The following SLC29A1 variants were observed in gnomAD, a reference collection of about 807,000 sequenced individuals.
SLC29A1 encodes the protein solute carrier family 29 member 1 (Augustine blood group).
SLC29A1 carries 22 observed loss-of-function variants against 48.3 expected under a neutral mutation model. The ratio of observed to expected loss-of-function variants is 0.46; its 90% CI spans 0.33 to 0.65. SLC29A1 has a LOEUF of 0.65. Among genes scored for constraint, SLC29A1 ranks in the 30% least tolerant of loss-of-function variants. The pLI is 0.03. For missense variants in SLC29A1, 491 were observed against 575.3 expected, an observed-to-expected ratio of 0.85 and a Z score of 1.50; for synonymous variants, 228 against 231.0, an observed-to-expected ratio of 0.99 and a Z score of 0.12.
intron 12 of SLC29A1, among the ~76,000 whole-genome samples, 196 bp from the exon 13 acceptor site, chr6:44,233,221 G>A (rs1007698653): frequency 2.0e-5 from 3 of 152,162 alleles, no homozygotes; most frequent in African/African-American, 7.2e-5. Context: ...TTTGCAGGAA[G>A]GAGTGAAAGA....
At position 44,227,296 on chromosome 6, in the gene SLC29A1, A is replaced by AC. The variant is rs765177779; in HGVS notation, c.-16dup. ...GGGAGGGAGCTGTCAGCCAGGGAAA[A>AC]CCGAGAACACCATCACCATGACAAC... On this transcript the variant is annotated 5_prime_UTR_variant, in exon 2 of 13. Transcript: ENST00000371755. The AC allele has an allele frequency of 1.7e-5, 28 of 1,614,068 alleles. No individual in the cohort carries two copies. In the South Asian group the frequency reaches 3.1e-4, roughly 18 times the overall value.
chr6:44,223,837 C>G lies in SLC29A1; in HGVS notation c.-52+196C>G. 3 of 1,001,098 alleles carry G rather than the reference C, an allele frequency of 3.0e-6. No individual in the cohort carries two copies. The highest frequency in any genetic ancestry group is 3.6e-6 in the Non-Finnish European group (3 of 839,788). 62.0% of individuals were successfully genotyped at this position (1,001,098 alleles called of 1,614,324 possible). On this transcript the variant is annotated intron_variant, in intron 1 of 12. Transcript: ENST00000371755. The surrounding 1 kb of genome is among the most constrained non-coding windows in gnomAD (Gnocchi z 5.0). ...GCACGGGCCAGGGAGCCTGAGGACC[C>G]TGCGGGGACCGGGACCCAAGCTGGG...
chr6:44,233,717 T>C lies in SLC29A1; in HGVS notation c.*189T>C. The C allele has an allele frequency of 1.7e-6, 1 of 598,846 alleles. No homozygotes were observed. Among genetic ancestry groups the C allele is most frequent in the Non-Finnish European group, 3.0e-6 (1 of 334,842 alleles). 37.1% of individuals were successfully genotyped at this position (598,846 alleles called of 1,614,324 possible). On this transcript the variant is annotated 3_prime_UTR_variant, in exon 13 of 13. Coordinates refer to ENST00000371755, the MANE Select transcript of SLC29A1 (RefSeq NM_001372327.1). Reference sequence around the variant, plus strand: ...CTCTGGACGGACAGTGGGGACATTGTGGGTTTGGGGCTCAGAGTCGAGGGA... The same window carrying C: ...CTCTGGACGGACAGTGGGGACATTGCGGGTTTGGGGCTCAGAGTCGAGGGA...
chr6:44,227,372 C>T, intron 2 of SLC29A1, 30 bp downstream of exon 2: 1 of 1,590,354 alleles, frequency 6.3e-7, no homozygotes, highest in Non-Finnish European at 8.6e-7. Context: ...GCTGTGGATC[C>T]AGGGAATGGG....
intron 1 of SLC29A1, among the ~76,000 whole-genome samples, chr6:44,224,953 C>T (rs1403747979): frequency 6.6e-6 from 1 of 152,108 alleles, no homozygotes; most frequent in Non-Finnish European, 1.5e-5. Context: ...GAATTGTGCC[C>T]AAGACTGGTA....
chr6:44,228,327 C>T (rs934283722), intron 2 of SLC29A1, among the ~76,000 whole-genome samples: 1 of 152,226 alleles, frequency 6.6e-6, no homozygotes, highest in Non-Finnish European at 1.5e-5. Flanking sequence ...GATCCTCTGT[C>T]CTATGTGACT....
Position 44,223,712 on chromosome 6 carries a change from G to T in SLC29A1, c.-52+71G>T. On this transcript the variant is annotated intron_variant, in intron 1 of 12. Coordinates refer to ENST00000371755, the MANE Select transcript of SLC29A1 (RefSeq NM_001372327.1). This position sits in a 1 kb window ranked among gnomAD's most constrained non-coding sequence, Gnocchi z 5.0. Reference sequence around the variant, plus strand: ...GAAGACGCCGCTGCCCGCCTGCCACGGAGGGCAGGGAGGGCGGGCCTGACG... The same window carrying T: ...GAAGACGCCGCTGCCCGCCTGCCACTGAGGGCAGGGAGGGCGGGCCTGACG... 3 of 1,082,568 alleles carry T rather than the reference G, an allele frequency of 2.8e-6. No individual in the cohort carries two copies. The highest frequency in any genetic ancestry group is 3.4e-6 in the Non-Finnish European group (3 of 882,022). The allele number at this position is 1,082,568 out of a possible 1,614,324, so 67.1% of individuals were successfully genotyped here. A position where few individuals can be genotyped will look rare whatever the true frequency, so the allele number is the denominator to read the frequency against.
chr6:44,227,063 G>T lies in SLC29A1; in HGVS notation c.-51-200G>T, dbSNP rs1267877276. The stretch of plus-strand genomic sequence containing the variant: ...AGGTAGAGTCTGAGCAGGCAGGGGG[G>T]CCGCGCAGGACTGGCCTGCTGGGCC... On this transcript the variant is annotated intron_variant, in intron 1 of 12. Coordinates refer to ENST00000371755, the MANE Select transcript of SLC29A1 (RefSeq NM_001372327.1). 2.9e-6 allele frequency: 4 copies of T among 1,371,188 alleles called. No individual in the cohort carries two copies. In the African/African-American group the frequency reaches 4.4e-5, roughly 15 times the overall value. The allele number at this position is 1,371,188 out of a possible 1,614,324, so 84.9% of individuals were successfully genotyped here. A position where few individuals can be genotyped will look rare whatever the true frequency, so the allele number is the denominator to read the frequency against.
Position 44,233,823 on chromosome 6 carries a change from T to G in SLC29A1, c.*295T>G. 2 of 439,864 alleles carry G rather than the reference T, an allele frequency of 4.5e-6. No homozygotes were observed. 27.2% of individuals were successfully genotyped at this position (439,864 alleles called of 1,614,324 possible). The stretch of plus-strand genomic sequence containing the variant: ...CCTGCTTGTGCAGGCCAGTGGAGGC[T>G]CTTGGGCTTGGAGAACACGTGTGTC... On this transcript the variant is annotated 3_prime_UTR_variant, in exon 13 of 13. Coordinates refer to ENST00000371755, the MANE Select transcript of SLC29A1 (RefSeq NM_001372327.1).
chr6:44,232,312 C>G lies in SLC29A1; in HGVS notation c.974-31C>G. The stretch of plus-strand genomic sequence containing the variant: ...GCTTGCTATACCTGCCTCTGTGAGC[C>G]TGATAACCACCCGTTCATCTCCTCT... On this transcript the variant is annotated intron_variant, in intron 10 of 12. Transcript: ENST00000371755. The surrounding 1 kb of genome is among the most constrained non-coding windows in gnomAD (Gnocchi z 4.7). 1 of 1,510,658 alleles carries G rather than the reference C, an allele frequency of 6.6e-7. No individual in the cohort carries two copies. The highest frequency in any genetic ancestry group is 9.2e-7 in the Non-Finnish European group (1 of 1,085,624). 93.6% of individuals were successfully genotyped at this position (1,510,658 alleles called of 1,614,324 possible).
At position 44,232,063 on chromosome 6, in the gene SLC29A1, G is replaced by T; in HGVS notation, c.930G>T (p.Val310=). The T allele has an allele frequency of 1.9e-6, 3 of 1,614,050 alleles. No individual in the cohort carries two copies. In the South Asian group the frequency reaches 3.3e-5, roughly 18 times the overall value. The change falls in exon 10 of 13, where the codon GTG becomes GTT. Residue 310 remains valine (V), a synonymous_variant. Transcript: ENST00000371755. The surrounding 1 kb of genome is among the most constrained non-coding windows in gnomAD (Gnocchi z 4.7). ...TCACCATTGGGATGTTTCCAGCCGT[G>T]ACTGTTGAGGTCAAGTCCAGCATCG... is the stretch of plus-strand genomic sequence containing the variant. The part of the protein sequence containing the change: ...FTITIGMFPA[V]TVEVKSSIAG...
At chr6:44,220,662 A>ACC (rs2128335061), upstream of SLC29A1, among the ~76,000 whole-genome samples, 1 of 138,874 alleles carries the variant, frequency 7.2e-6, no homozygotes, top group Admixed American at 7.5e-5. Context: ...AAAAAAAAAA[A>ACC]AAAAATACAA....
rs1362390830 is a variant in SLC29A1 at position 44,227,261 on chromosome 6, A to C, written c.-51-2A>C. The C allele has an allele frequency of 6.2e-7, 1 of 1,612,934 alleles. No homozygotes were observed. Among genetic ancestry groups the C allele is most frequent in the Non-Finnish European group, 8.5e-7 (1 of 1,179,252 alleles). ...GCCTCACACTGTTCCTGCCCCCAGC[A>C]GGCCCCTGAGGGAGGGAGCTGTCAG... On this transcript the variant is annotated splice_acceptor_variant, in intron 1 of 12. Transcript: ENST00000371755. LOFTEE classifies it low-confidence loss of function (5UTR_SPLICE).
At chr6:44,225,507 C>CAAA (rs35204127) in intron 1 of SLC29A1, among the ~76,000 whole-genome samples, 1 of 102,840 alleles carries the variant, frequency 9.7e-6, no homozygotes, top group African/African-American at 3.8e-5. Context: ...AACTCCGTCT[C>CAAA]AAAAAAAAAA....
At chr6:44,222,833 C>A (rs559927015), upstream of SLC29A1, among the ~76,000 whole-genome samples, 1 of 152,374 alleles carries the variant, frequency 6.6e-6, no homozygotes, top group South Asian at 2.1e-4. Context: ...TCTTCCCATT[C>A]CCACCTGTGC....
intron 1 of SLC29A1, chr6:44,226,264 G>A (rs70914): frequency 0.028 from 7,277 of 255,380 alleles, 554 homozygotes; most frequent in African/African-American, 0.16. Flanking sequence ...ATGTGTCAGT[G>A]CACATCTGCC....
chr6:44,227,324 GT>G lies in SLC29A1; in HGVS notation c.12del (p.His5ThrfsTer29). On this transcript the variant is annotated frameshift_variant, in exon 2 of 13. Transcript: ENST00000371755. LOFTEE classifies it high-confidence loss of function. Reference protein sequence around the residue: MTTSHQPQDRYKAV... With the variant: MTTXHQPQDRYKAV... ...GAGAACACCATCACCATGACAACCAGTCACCAGCCTCAGGACAGGTAAGGGG... is the reference window on the plus strand; with the variant it reads ...GAGAACACCATCACCATGACAACCAGCACCAGCCTCAGGACAGGTAAGGGG... 1 of 1,614,128 alleles carries G rather than the reference GT, an allele frequency of 6.2e-7. No homozygotes were observed.
chr6:44,230,346 G>A lies in SLC29A1; in HGVS notation c.455-1G>A. ...TGCTCATGCCCGCCCTGTTTCCCCAGCATTTGGTGCCATCCTGCAGGGCAG... is the reference window on the plus strand; with the variant it reads ...TGCTCATGCCCGCCCTGTTTCCCCAACATTTGGTGCCATCCTGCAGGGCAG... On this transcript the variant is annotated splice_acceptor_variant, in intron 5 of 12. Coordinates refer to ENST00000371755, the MANE Select transcript of SLC29A1 (RefSeq NM_001372327.1). LOFTEE classifies it high-confidence loss of function. The A allele has an allele frequency of 6.2e-7, 1 of 1,610,296 alleles. No individual in the cohort carries two copies. Among genetic ancestry groups the A allele is most frequent in the Non-Finnish European group, 8.5e-7 (1 of 1,177,056 alleles).
At chr6:44,226,973 C>G (rs1777685890) in intron 1 of SLC29A1, 2 of 1,149,504 alleles carry the variant, frequency 1.7e-6, no homozygotes, top group South Asian at 4.6e-5. Context: ...CCTCCTGTTT[C>G]CCAGCTTATA....
Sources: gnomAD v4.1 joint callset for allele counts (sites outside exome capture counted in the v4.1 genomes callset) on GRCh38, gnomAD v4.1.1 for gene constraint, Gnocchi (gnomAD v3.1) non-coding constraint, MANE v1.5 for transcripts, NCBI Gene and HGNC (gene_info 2026-07-23, HGNC 2026-07-21) for gene names.